The following DIAPH2 variants were observed in gnomAD, a reference collection of about 807,000 sequenced individuals.
DIAPH2 encodes diaphanous related formin 2.
DIAPH2 carries 35 observed loss-of-function variants against 92.7 expected under a neutral mutation model. The observed-to-expected ratio is 0.38, with a 90% CI of 0.29 to 0.50. The LOEUF is 0.50. DIAPH2 is among the 20% of genes least tolerant of loss of function. DIAPH2 has a pLI of 0.94. For missense variants in DIAPH2, 701 were observed against 819.5 expected (o/e 0.86, Z 1.77); for synonymous variants, 301 against 280.4 (o/e 1.07, Z -0.73).
chrX:96,861,162 A>G (rs1443937221), intron 4 of DIAPH2, among the ~76,000 whole-genome samples: 2 of 111,652 alleles, frequency 1.8e-5, no homozygotes, highest in Non-Finnish European at 3.8e-5. Context: ...TCTCCATAAG[A>G]TAGAAGGGCT....
At chrX:97,465,648 T>G (rs2070505480) in intron 26 of DIAPH2, among the ~76,000 whole-genome samples, 1 of 111,707 alleles carries the variant, frequency 9.0e-6, no homozygotes, top group African/African-American at 3.3e-5. Flanking sequence ...TACCTAGGGA[T>G]GATGGTATAT....
intron 26 of DIAPH2, among the ~76,000 whole-genome samples, chrX:97,494,497 T>C (rs2070745388): frequency 8.9e-6 from 1 of 111,956 alleles, no homozygotes; most frequent in Non-Finnish European, 1.9e-5. Context: ...TCTTTAGAGT[T>C]GTGTATTACG....
intron 25 of DIAPH2, among the ~76,000 whole-genome samples, chrX:97,394,345 G>A (rs1293461601): frequency 8.9e-6 from 1 of 111,759 alleles, no homozygotes; most frequent in Non-Finnish European, 1.9e-5. Context: ...GGTGGACCTA[G>A]AAAACAGTCT....
chrX:97,468,638 G>A (rs1231237722), intron 26 of DIAPH2, among the ~76,000 whole-genome samples: 1 of 89,655 alleles, frequency 1.1e-5, no homozygotes, highest in African/African-American at 4.2e-5. Flanking sequence ...AGGTCTTTGT[G>A]AAAAAAAAAA....
intron 22 of DIAPH2, among the ~76,000 whole-genome samples, chrX:97,226,130 AC>A (rs1411036698): frequency 9.0e-6 from 1 of 111,105 alleles, no homozygotes; most frequent in African/African-American, 3.3e-5. Context: ...TCATTATAGT[AC>A]CACCTCCCAA....
chrX:97,246,835 A>T (rs750227769), intron 22 of DIAPH2, among the ~76,000 whole-genome samples: 1 of 112,483 alleles, frequency 8.9e-6, no homozygotes, highest in East Asian at 2.8e-4. Context: ...ATCAAATTAT[A>T]ACACTTACCT....
rs750353508 is a variant in DIAPH2 at position 96,925,468 on chromosome X, T to A, written c.979-5265T>A. 6.3e-5 allele frequency among the ~76,000 whole-genome samples: 7 copies of A among 111,521 alleles called. No homozygotes were observed. The East Asian group carries it at 2.0e-3, about 32-fold the overall frequency. ...AATGTTATATTTCCCTTCCTCGACA[T>A]GGTATCCTTCTCTCTCCACCCTCAC... On this transcript the variant is annotated intron_variant, in intron 9 of 26. Transcript: ENST00000324765.
intron 17 of DIAPH2, among the ~76,000 whole-genome samples, chrX:97,000,574 C>T (rs779891721): frequency 1.8e-5 from 2 of 108,364 alleles, no homozygotes; most frequent in East Asian, 5.8e-4. Flanking sequence ...GAGTTCAAAA[C>T]CAGCCTGAGC....
intron 22 of DIAPH2, among the ~76,000 whole-genome samples, chrX:97,222,482 G>A (rs1395676808): frequency 8.9e-6 from 1 of 111,845 alleles, no homozygotes; most frequent in African/African-American, 3.3e-5. Flanking sequence ...GGGATTACAG[G>A]CATGAGCCAC....
At chrX:97,319,052 T>A (rs2068867234) in intron 23 of DIAPH2, among the ~76,000 whole-genome samples, 2 of 112,031 alleles carry the variant, frequency 1.8e-5, no homozygotes, top group Admixed American at 1.9e-4. Context: ...CTTACGACAT[T>A]TTAAAATAAA....
At chrX:97,155,119 G>A (rs2067312627) in intron 22 of DIAPH2, among the ~76,000 whole-genome samples, 1 of 112,161 alleles carries the variant, frequency 8.9e-6, no homozygotes, top group African/African-American at 3.2e-5. Context: ...AGTACAGGTG[G>A]TATAGGTGAG....
intron 26 of DIAPH2, among the ~76,000 whole-genome samples, chrX:97,580,326 A>G (rs1204606486): frequency 1.1e-5 from 1 of 94,033 alleles, no homozygotes; most frequent in African/African-American, 3.9e-5. Flanking sequence ...AGCTCTTATT[A>G]TTTTGAAATA....
chrX:97,399,511 C>T (rs989667373), intron 25 of DIAPH2, among the ~76,000 whole-genome samples: 1 of 111,853 alleles, frequency 8.9e-6, no homozygotes, highest in Non-Finnish European at 1.9e-5. Flanking sequence ...TTGGATTTTT[C>T]GAGTTGATAC....
chrX:97,088,799 T>A (rs2066802282), intron 19 of DIAPH2, among the ~76,000 whole-genome samples: 1 of 112,233 alleles, frequency 8.9e-6, no homozygotes, highest in Non-Finnish European at 1.9e-5. Context: ...AGGTTTTGAT[T>A]AACGCTTCGT....
rs2071580922 is a variant in DIAPH2, at chrX:97,599,750, T to TAATA, written c.*434_*437dup. 8.8e-6 allele frequency: 1 copy of TAATA among 113,983 alleles called. No homozygotes were observed. The highest frequency in any genetic ancestry group is 3.6e-4 in the South Asian group (1 of 2,798). The allele number at this position is 113,983 out of a possible 1,213,427, so 9.4% of individuals were successfully genotyped here. ...CAGCTTCCAATCCCTAGTACATATA[T>TAATA]AATAGAAAAGGGCCAAGAAAAATAT... On this transcript the variant is annotated 3_prime_UTR_variant, in exon 27 of 27. Coordinates refer to ENST00000324765, the MANE Select transcript of DIAPH2 (RefSeq NM_006729.5).
chrX:97,558,676 C>CT (rs201716463), intron 26 of DIAPH2, among the ~76,000 whole-genome samples: 134 of 110,075 alleles, frequency 1.2e-3, no homozygotes, highest in African/African-American at 3.9e-3. Flanking sequence ...AAACATTTCT[C>CT]TTTTTTTTTA....
At chrX:97,087,608 G>T (rs1434700908) in intron 19 of DIAPH2, among the ~76,000 whole-genome samples, 3 of 111,218 alleles carry the variant, frequency 2.7e-5, no homozygotes, top group African/African-American at 6.5e-5. Flanking sequence ...TTAGAAGGGG[G>T]GAAATGTATA....
chrX:97,564,411 G>A (rs2071312978), intron 26 of DIAPH2: 1 of 112,229 alleles, frequency 8.9e-6, no homozygotes, highest in Non-Finnish European at 1.9e-5. Context: ...CAGGATCAAG[G>A]TGCTGTCAGA....
chrX:97,411,179 G>A (rs1389488381), intron 25 of DIAPH2, among the ~76,000 whole-genome samples: 1 of 112,030 alleles, frequency 8.9e-6, no homozygotes, highest in East Asian at 2.8e-4. Flanking sequence ...CCCACAAAGG[G>A]AAGCCCATCA....
Sources: gnomAD v4.1 joint callset for allele counts (sites outside exome capture counted in the v4.1 genomes callset) on GRCh38, gnomAD v4.1.1 for gene constraint, MANE v1.5 for transcripts, NCBI Gene and HGNC (gene_info 2026-07-23, HGNC 2026-07-21) for gene names.